The following NADK2 variants were observed in gnomAD, a reference collection of about 807,000 sequenced individuals.
NADK2 encodes NAD kinase 2, mitochondrial.
A neutral mutation model predicts 62.1 loss-of-function variants in NADK2; 35 were observed. The observed-to-expected ratio is 0.56, with a 90% CI of 0.43 to 0.75. NADK2 has a LOEUF of 0.75. Among genes scored for constraint, NADK2 ranks in the 30% least tolerant of loss-of-function variants. The probability of loss-of-function intolerance (pLI) is 0.00; values close to 1 mark genes in which losing one functional copy is unlikely to be tolerated. For synonymous variants in NADK2, 205 were observed against 207.9 expected, an observed-to-expected ratio of 0.99 and a Z score of 0.12; for missense variants, 439 against 561.3, an observed-to-expected ratio of 0.78 and a Z score of 2.20.
Position 36,227,486 on chromosome 5 carries a change from T to C in NADK2, c.380A>G (p.Asp127Gly). Reference sequence around the variant, plus strand: ...AATCCCATAGACTTACCGTAAACTATCTATAATATGTTCTACATTTTTGGT... The same window carrying C: ...AATCCCATAGACTTACCGTAAACTACCTATAATATGTTCTACATTTTTGGT... ...IHTKNVEHIIDSLRNEGIEVR... is the reference protein window; with the variant it reads ...IHTKNVEHIIGSLRNEGIEVR... Residue 127 changes from aspartate to glycine, a missense_variant, in exon 2 of 12, where the codon GAT becomes GGT. Coordinates refer to ENST00000381937, the MANE Select transcript of NADK2 (RefSeq NM_001085411.3). 1.3e-6 allele frequency: 2 copies of C among 1,519,628 alleles called. No homozygotes were observed. Among genetic ancestry groups the C allele is most frequent in the Non-Finnish European group, 8.8e-7 (1 of 1,131,242 alleles). 94.1% of individuals were successfully genotyped at this position (1,519,628 alleles called of 1,614,324 possible).
At chr5:36,227,415 A>G (rs1263102923) in intron 2 of NADK2, 62 bp downstream of exon 2, 1 of 778,630 alleles carries the variant, frequency 1.3e-6, no homozygotes, top group Non-Finnish European at 1.8e-6. Flanking sequence ...CTGCTAGTAC[A>G]AAATAAAAAC....
intron 6 of NADK2, among the ~76,000 whole-genome samples, chr5:36,213,605 C>CAA (rs1243911357): frequency 1.1e-4 from 2 of 18,200 alleles, no homozygotes; most frequent in African/African-American, 1.9e-4. Flanking sequence ...ATACAAAAAG[C>CAA]TATATATGCA....
chr5:36,197,425 T>C, intron 11 of NADK2, 116 bp downstream of exon 11: 1 of 1,341,622 alleles, frequency 7.5e-7, no homozygotes, highest in Middle Eastern at 1.9e-4. Context: ...CTACTTTTCC[T>C]GCTAGATTAA....
intron 10 of NADK2, among the ~76,000 whole-genome samples, chr5:36,198,270 T>C (rs1316088346): frequency 6.6e-6 from 1 of 151,990 alleles, no homozygotes; most frequent in Non-Finnish European, 1.5e-5. Context: ...GAAAGTTTAG[T>C]TGAGTACTAC....
chr5:36,219,829 A>C, intron 4 of NADK2, 150 bp from the exon 5 acceptor site: 1 of 598,982 alleles, frequency 1.7e-6, no homozygotes, highest in Non-Finnish European at 2.8e-6. Flanking sequence ...TTGCCACAAA[A>C]TTGTGTTCTT....
At chr5:36,240,788 A>T (rs538961893) in intron 1 of NADK2, among the ~76,000 whole-genome samples, 55 of 152,242 alleles carry the variant, frequency 3.6e-4, no homozygotes, top group African/African-American at 1.2e-3. Context: ...TTCACACACT[A>T]CCCAGTATAC....
chr5:36,224,847 G>A (rs532152567), intron 4 of NADK2, among the ~76,000 whole-genome samples: 2 of 152,166 alleles, frequency 1.3e-5, no homozygotes, highest in East Asian at 3.9e-4. Flanking sequence ...GCTAAGGAAG[G>A]AAACAAAAAG....
At chr5:36,219,298 C>T (rs1747162705) in intron 5 of NADK2, among the ~76,000 whole-genome samples, 1 of 152,098 alleles carries the variant, frequency 6.6e-6, no homozygotes, top group African/African-American at 2.4e-5. Context: ...GGAACCTCTA[C>T]CTCCTGGGCT....
rs1748115563 is a variant in NADK2 at position 36,241,422 on chromosome 5, G to A, written c.300+77C>T. On this transcript the variant is annotated intron_variant, in intron 1 of 11. Coordinates refer to ENST00000381937, the MANE Select transcript of NADK2 (RefSeq NM_001085411.3). The surrounding 1 kb of genome is among the most constrained non-coding windows in gnomAD (Gnocchi z 4.9). ...GCCCTGGGAAGAGTCGTCCCGAGAGGTCCCCCCGAGGGGGCGCAGCCGCCA... is the reference window on the plus strand; with the variant it reads ...GCCCTGGGAAGAGTCGTCCCGAGAGATCCCCCCGAGGGGGCGCAGCCGCCA... 4 of 1,436,180 alleles carry A rather than the reference G, an allele frequency of 2.8e-6. No individual in the cohort carries two copies. Among genetic ancestry groups the A allele is most frequent in the Non-Finnish European group, 3.6e-6 (4 of 1,097,860 alleles). The allele number at this position is 1,436,180 out of a possible 1,614,324, so 89.0% of individuals were successfully genotyped here.
At chr5:36,202,345 G>A (rs1300905842) in intron 8 of NADK2, among the ~76,000 whole-genome samples, 1 of 151,962 alleles carries the variant, frequency 6.6e-6, no homozygotes, top group Admixed American at 6.6e-5. Context: ...AGCATGTATG[G>A]AGAAAAAGGA....
chr5:36,237,327 A>G lies in NADK2; in HGVS notation c.300+4172T>C, dbSNP rs148345417. On this transcript the variant is annotated intron_variant, in intron 1 of 11. Transcript: ENST00000381937. ...ATGTTCTTTATGACAATCTCCACAA[A>G]TGCTGTTAGGCTAAAAAAAAAGGCA... Among the ~76,000 whole-genome samples, 393 of 152,046 alleles carry G rather than the reference A, an allele frequency of 2.6e-3. 2 individuals are homozygous for G. The highest frequency in any genetic ancestry group is 9.1e-3 in the African/African-American group (380 of 41,544).
At chr5:36,238,450 A>T (rs1747988650) in intron 1 of NADK2, among the ~76,000 whole-genome samples, 1 of 152,228 alleles carries the variant, frequency 6.6e-6, no homozygotes. Flanking sequence ...GAAACTGCTG[A>T]CTTCTTATTT....
intron 10 of NADK2, among the ~76,000 whole-genome samples, chr5:36,199,767 G>A (rs945318274): frequency 1.3e-5 from 2 of 151,952 alleles, no homozygotes; most frequent in African/African-American, 4.8e-5. Context: ...TTCTTCATAA[G>A]TATTCTTTCT....
In NADK2 at chr5:36,193,983, C is replaced by T. The variant is rs1466586088; in HGVS notation, c.*1161G>A. 1 of 152,562 alleles carries T rather than the reference C, an allele frequency of 6.6e-6. No individual in the cohort carries two copies. The highest frequency in any genetic ancestry group is 1.5e-5 in the Non-Finnish European group (1 of 68,014). 9.5% of individuals were successfully genotyped at this position (152,562 alleles called of 1,614,324 possible). ...TTTTCAGCACCAAATGAAAGAAACA[C>T]ATGACTTTGAACAACGGCACGAGAA... is the stretch of plus-strand genomic sequence containing the variant. On this transcript the variant is annotated 3_prime_UTR_variant, in exon 12 of 12. Transcript: ENST00000381937.
chr5:36,200,297 G>C lies in NADK2; in HGVS notation c.1013-17C>G, dbSNP rs186051640. 8 of 1,560,748 alleles carry C rather than the reference G, an allele frequency of 5.1e-6. No individual in the cohort carries two copies. Among genetic ancestry groups the C allele is most frequent in the Non-Finnish European group, 7.0e-6 (8 of 1,148,592 alleles). On this transcript the variant is annotated splice_polypyrimidine_tract_variant and intron_variant, in intron 9 of 11. Coordinates refer to ENST00000381937, the MANE Select transcript of NADK2 (RefSeq NM_001085411.3). Reference sequence around the variant, plus strand: ...GTCGTTTTGCTGTTGAAAAAGGAAAGGGGGAAAATGTATGTTATAAATATA... The same window carrying C: ...GTCGTTTTGCTGTTGAAAAAGGAAACGGGGAAAATGTATGTTATAAATATA...
chr5:36,199,984 C>T lies in NADK2; in HGVS notation c.1066+243G>A, dbSNP rs959348001. On this transcript the variant is annotated intron_variant, in intron 10 of 11. Transcript: ENST00000381937. ...AAGGATTTTTCTGTAATTCCCTATC[C>T]CCCAGGACATGTTTGCAGTTATACT... Among the ~76,000 whole-genome samples, 10 of 152,008 alleles carry T rather than the reference C, an allele frequency of 6.6e-5. 1 individual carries two copies. Among genetic ancestry groups the T allele is most frequent in the Admixed American group, 5.3e-4 (8 of 15,216 alleles).
chr5:36,219,415 T>G (rs1204483698), intron 5 of NADK2, among the ~76,000 whole-genome samples, 181 bp downstream of exon 5: 5 of 152,194 alleles, frequency 3.3e-5, no homozygotes, highest in Non-Finnish European at 7.3e-5. Context: ...TTCACCATGT[T>G]GCCCAGGCTG....
At chr5:36,238,746 C>A (rs181434243) in intron 1 of NADK2, among the ~76,000 whole-genome samples, 1 of 152,050 alleles carries the variant, frequency 6.6e-6, no homozygotes, top group Admixed American at 6.5e-5. Context: ...AAATGTTTGA[C>A]CAGAAATCTG....
chr5:36,238,167 T>A (rs1747977505), intron 1 of NADK2, among the ~76,000 whole-genome samples: 1 of 152,184 alleles, frequency 6.6e-6, no homozygotes, highest in Middle Eastern at 3.2e-3. Context: ...GTATACCACC[T>A]GACAAAAGTA....
Sources: gnomAD v4.1 joint callset for allele counts (sites outside exome capture counted in the v4.1 genomes callset) on GRCh38, gnomAD v4.1.1 for gene constraint, Gnocchi (gnomAD v3.1) non-coding constraint, MANE v1.5 for transcripts, NCBI Gene and HGNC (gene_info 2026-07-23, HGNC 2026-07-21) for gene names.